The following PRRC2A variants were observed in gnomAD, a reference collection of about 807,000 sequenced individuals.
PRRC2A encodes protein PRRC2A.
A neutral mutation model predicts 224.6 loss-of-function variants in PRRC2A; 59 were observed. The observed-to-expected ratio is 0.26, with a 90% CI of 0.21 to 0.33. The LOEUF (loss-of-function observed/expected upper bound fraction) is 0.33. Among genes scored for constraint, PRRC2A ranks in the 10% least tolerant of loss-of-function variants. The pLI is 1.00. For missense variants in PRRC2A, 3,095 were observed against 2,880.7 expected (o/e 1.07, Z -1.70); for synonymous variants, 1,194 against 1,109.5 (o/e 1.08, Z -1.51).
intron 1 of PRRC2A, among the ~76,000 whole-genome samples, chr6:31,621,424 C>A (rs1296006989): frequency 6.6e-6 from 1 of 152,166 alleles, no homozygotes. Context: ...TTCCTCGTCT[C>A]CTTTCTCCCC....
At position 31,625,741 on chromosome 6, in the gene PRRC2A, G is replaced by A. The variant is rs778690008; in HGVS notation, c.760-51G>A. The A allele has an allele frequency of 6.4e-7, 1 of 1,558,834 alleles. No individual in the cohort carries two copies. The highest frequency in any genetic ancestry group is 8.9e-7 in the Non-Finnish European group (1 of 1,129,780). ...GATTGATAGCAGGCTTAAGGAGCTA[G>A]AAGGGTATATGACTGTCCCTCTGAG... On this transcript the variant is annotated intron_variant, in intron 7 of 30. Coordinates refer to ENST00000376033, the MANE Select transcript of PRRC2A (RefSeq NM_004638.4). The surrounding 1 kb of genome is among the most constrained non-coding windows in gnomAD (Gnocchi z 4.1).
At position 31,632,999 on chromosome 6, in the gene PRRC2A, A is replaced by C; in HGVS notation, c.4319+7A>C. Reference sequence around the variant, plus strand: ...CCTCTCCCAAGAACCGAAGGTGGGTAGGAACAAACAAATTTATTGTGGTTT... The same window carrying C: ...CCTCTCCCAAGAACCGAAGGTGGGTCGGAACAAACAAATTTATTGTGGTTT... On this transcript the variant is annotated splice_region_variant and intron_variant, in intron 16 of 30. Coordinates refer to ENST00000376033, the MANE Select transcript of PRRC2A (RefSeq NM_004638.4). The C allele has an allele frequency of 1.3e-6, 2 of 1,530,566 alleles. No homozygotes were observed. The highest frequency in any genetic ancestry group is 1.8e-6 in the Non-Finnish European group (2 of 1,141,152). The allele number at this position is 1,530,566 out of a possible 1,614,324, so 94.8% of individuals were successfully genotyped here. A position where few individuals can be genotyped will look rare whatever the true frequency, so the allele number is the denominator to read the frequency against.
In PRRC2A at chr6:31,632,627, T is replaced by C; in HGVS notation, c.3954T>C (p.Asn1318=). ...DLSNQNSDQA[N]EEWETASESS... Reference sequence around the variant, plus strand: ...CAAACCAGAACTCAGACCAAGCCAATGAGGAATGGGAGACTGCATCAGAGA... The same window carrying C: ...CAAACCAGAACTCAGACCAAGCCAACGAGGAATGGGAGACTGCATCAGAGA... The change falls in exon 16 of 31, where the codon AAT becomes AAC. Residue 1318 remains asparagine, a synonymous_variant. Transcript: ENST00000376033. 1 of 1,612,804 alleles carries C rather than the reference T, an allele frequency of 6.2e-7. No individual in the cohort carries two copies. Among genetic ancestry groups the C allele is most frequent in the Non-Finnish European group, 8.5e-7 (1 of 1,179,964 alleles).
Position 31,631,245 on chromosome 6 carries a change from G to A in PRRC2A, c.2572G>A (p.Glu858Lys), listed in dbSNP as rs1366706216. Residue 858 changes from glutamate (E) to lysine (K), a missense_variant, in exon 16 of 31, where the codon GAA becomes AAA. Glu to Lys is a moderately conservative substitution (Grantham distance 56). Coordinates refer to ENST00000376033, the MANE Select transcript of PRRC2A (RefSeq NM_004638.4). This position sits in a 1 kb window ranked among gnomAD's most constrained non-coding sequence, Gnocchi z 4.5. ...GPPISRFPLE[E>K]PGPRPLPWPP... ...CCCAATCTCTCGCTTTCCTCTGGAGGAACCAGGGCCCCGTCCACTCCCCTG... is the reference window on the plus strand; with the variant it reads ...CCCAATCTCTCGCTTTCCTCTGGAGAAACCAGGGCCCCGTCCACTCCCCTG... The A allele has an allele frequency of 1.9e-6, 3 of 1,611,976 alleles. No homozygotes were observed. Among genetic ancestry groups the A allele is most frequent in the Non-Finnish European group, 2.5e-6 (3 of 1,179,684 alleles).
At position 31,634,496 on chromosome 6, in the gene PRRC2A, C is replaced by A; in HGVS notation, c.4874C>A (p.Pro1625His). 6.2e-7 allele frequency: 1 copy of A among 1,612,954 alleles called. No homozygotes were observed. Among genetic ancestry groups the A allele is most frequent in the Non-Finnish European group, 8.5e-7 (1 of 1,179,976 alleles). Reference sequence around the variant, plus strand: ...GCCACTAGCCGAAAGAGTTACCGGCCCAGCTCCATGGAGCCTTGGATGGAG... The same window carrying A: ...GCCACTAGCCGAAAGAGTTACCGGCACAGCTCCATGGAGCCTTGGATGGAG... ...HTATSRKSYR[P>H]SSMEPWMEPL... The change falls in exon 20 of 31, where the codon CCC becomes CAC. Residue 1625 changes from proline to histidine, a missense_variant. Transcript: ENST00000376033.
At position 31,627,290 on chromosome 6, in the gene PRRC2A, G is replaced by A; in HGVS notation, c.1290+92G>A. On this transcript the variant is annotated intron_variant, in intron 11 of 30. Transcript: ENST00000376033. This position sits in a 1 kb window ranked among gnomAD's most constrained non-coding sequence, Gnocchi z 5.6. Reference sequence around the variant, plus strand: ...AGCGGTTGTGATATAGAGGAAGGGGGGTGCTAAAAATGGGCTGTGTGAAGT... The same window carrying A: ...AGCGGTTGTGATATAGAGGAAGGGGAGTGCTAAAAATGGGCTGTGTGAAGT... 2.1e-6 allele frequency: 2 copies of A among 967,710 alleles called. No individual in the cohort carries two copies. Among genetic ancestry groups the A allele is most frequent in the Non-Finnish European group, 3.1e-6 (2 of 650,978 alleles). 59.9% of individuals were successfully genotyped at this position (967,710 alleles called of 1,614,324 possible).
rs368048248 is a variant in PRRC2A at position 31,622,405 on chromosome 6, A to G, written c.-100-285A>G. 3.3e-5 allele frequency among the ~76,000 whole-genome samples: 5 copies of G among 152,248 alleles called. No homozygotes were observed. In the South Asian group the frequency reaches 6.2e-4, roughly 19 times the overall value. On this transcript the variant is annotated intron_variant, in intron 1 of 30. Transcript: ENST00000376033. ...TCTGAAACGATTTTGGTGGAGAGAG[A>G]AGAGATTATTACTTGTAGGGAATTA...
Position 31,636,512 on chromosome 6 carries a change from ACGCCAGGAT to A in PRRC2A, c.5840_5848del (p.Arg1947_Asp1949del). ...TATTTCTCCCTGTTTCCCGACAGGT[ACGCCAGGAT>A]CTGCCATCCCCTTCGGATTTTTATT... On this transcript the variant is annotated inframe_deletion, in exon 27 of 31. Coordinates refer to ENST00000376033, the MANE Select transcript of PRRC2A (RefSeq NM_004638.4). This position sits in a 1 kb window ranked among gnomAD's most constrained non-coding sequence, Gnocchi z 4.3. 6.2e-7 allele frequency: 1 copy of A among 1,609,400 alleles called. No homozygotes were observed. Among genetic ancestry groups the A allele is most frequent in the Non-Finnish European group, 8.5e-7 (1 of 1,177,794 alleles).
In PRRC2A at chr6:31,629,152, C is replaced by G. The variant is rs765007841; in HGVS notation, c.1774C>G (p.Gln592Glu). Residue 592 changes from glutamine (Q) to glutamate (E), a missense_variant, in exon 13 of 31, where the codon CAA (glutamine) becomes GAA (glutamate). Coordinates refer to ENST00000376033, the MANE Select transcript of PRRC2A (RefSeq NM_004638.4). ...GSFEASPVEP[Q>E]LPSKEGPEPP... ...TGTTTTTTCCGATGCAGTGGAACCA[C>G]AACTGCCCTCAAAAGAGGGTCCTGA... 6.2e-7 allele frequency: 1 copy of G among 1,614,040 alleles called. No homozygotes were observed.
In PRRC2A at chr6:31,637,291, C is replaced by A; in HGVS notation, c.6300C>A (p.Val2100=). The change falls in exon 30 of 31, where the codon GTC becomes GTA. Residue 2100 remains valine, a synonymous_variant. Coordinates refer to ENST00000376033, the MANE Select transcript of PRRC2A (RefSeq NM_004638.4). ...LKATPSTYSG[V]FRTQRVDLYQ... is the part of the protein sequence containing the mutation. Reference sequence around the variant, plus strand: ...CCACGCCTTCCACCTACAGTGGAGTCTTCCGCACCCAGCGCGTCGACCTTT... The same window carrying A: ...CCACGCCTTCCACCTACAGTGGAGTATTCCGCACCCAGCGCGTCGACCTTT... 6.2e-7 allele frequency: 1 copy of A among 1,612,556 alleles called. No individual in the cohort carries two copies. Among genetic ancestry groups the A allele is most frequent in the Non-Finnish European group, 8.5e-7 (1 of 1,179,542 alleles).
At chr6:31,622,500 C>T (rs1246801177) in intron 1 of PRRC2A, among the ~76,000 whole-genome samples, 190 bp from the exon 2 acceptor site, 3 of 152,062 alleles carry the variant, frequency 2.0e-5, no homozygotes, top group African/African-American at 7.2e-5. Context: ...CTTAGATTTC[C>T]TTGACAAAGG....
At position 31,631,404 on chromosome 6, in the gene PRRC2A, C is replaced by G. The variant is rs750197827; in HGVS notation, c.2731C>G (p.Gln911Glu). ...TGCCCGCGGAGTCGGGAGTGGAGGC[C>G]AGGGCCCCCCACCACCACGCAGAGA... Reference protein sequence around the residue: ...KPARGVGSGGQGPPPPRRESR... With the variant: ...KPARGVGSGGEGPPPPRRESR... The change falls in exon 16 of 31, where the codon CAG (glutamine) becomes GAG (glutamate). Residue 911 changes from glutamine to glutamate, a missense_variant. Physicochemically the swap from Gln to Glu is conservative, Grantham distance 29. Coordinates refer to ENST00000376033, the MANE Select transcript of PRRC2A (RefSeq NM_004638.4). The surrounding 1 kb of genome is among the most constrained non-coding windows in gnomAD (Gnocchi z 4.5). The G allele has an allele frequency of 1.9e-6, 3 of 1,608,942 alleles. No homozygotes were observed. The South Asian group carries it at 3.3e-5, about 18-fold the overall frequency.
chr6:31,625,913 AG>A lies in PRRC2A; in HGVS notation c.839+43del. 6.3e-7 allele frequency: 1 copy of A among 1,580,036 alleles called. No homozygotes were observed. The highest frequency in any genetic ancestry group is 8.7e-7 in the Non-Finnish European group (1 of 1,152,410). ...TGGGTTTGTGGCTGGGGGCAGGGGA[AG>A]CTTATTGGGGGAGGAGATGGTTTTC... is the stretch of plus-strand genomic sequence containing the variant. On this transcript the variant is annotated intron_variant, in intron 8 of 30. Coordinates refer to ENST00000376033, the MANE Select transcript of PRRC2A (RefSeq NM_004638.4). This position sits in a 1 kb window ranked among gnomAD's most constrained non-coding sequence, Gnocchi z 4.1.
chr6:31,637,431 A>C lies in PRRC2A; in HGVS notation c.6334-15A>C, dbSNP rs1374159938. 1.3e-6 allele frequency: 2 copies of C among 1,592,100 alleles called. No individual in the cohort carries two copies. Among genetic ancestry groups the C allele is most frequent in the Non-Finnish European group, 1.7e-6 (2 of 1,167,036 alleles). On this transcript the variant is annotated splice_polypyrimidine_tract_variant and intron_variant, in intron 30 of 30. Coordinates refer to ENST00000376033, the MANE Select transcript of PRRC2A (RefSeq NM_004638.4). Reference sequence around the variant, plus strand: ...CTCACTGTGACTCACTGTTTAACACATGCCTGTCCCCTAGGCCTCCCCACC... The same window carrying C: ...CTCACTGTGACTCACTGTTTAACACCTGCCTGTCCCCTAGGCCTCCCCACC...
In PRRC2A at chr6:31,637,257, G is replaced by A. The variant is rs749878328; in HGVS notation, c.6266G>A (p.Arg2089His). 29 of 1,612,146 alleles carry A rather than the reference G, an allele frequency of 1.8e-5. No homozygotes were observed. The highest frequency in any genetic ancestry group is 1.6e-4 in the Middle Eastern group (1 of 6,082). The change falls in exon 30 of 31, where the codon CGT becomes CAT. Residue 2089 changes from arginine (R) to histidine (H), a missense_variant. Transcript: ENST00000376033. ...AGGTCCTTCTCTGGCCTCAATTCCC[G>A]TCTCAAGGCCACGCCTTCCACCTAC... ...TGRSFSGLNS[R>H]LKATPSTYSG...
Position 31,631,236 on chromosome 6 carries a change from C to A in PRRC2A, c.2563C>A (p.Pro855Thr). 1 of 1,611,678 alleles carries A rather than the reference C, an allele frequency of 6.2e-7. No individual in the cohort carries two copies. Among genetic ancestry groups the A allele is most frequent in the Non-Finnish European group, 8.5e-7 (1 of 1,179,596 alleles). Residue 855 changes from proline (P) to threonine (T), a missense_variant, in exon 16 of 31, where the codon CCT becomes ACT. Pro to Thr is a conservative substitution (Grantham distance 38). Around this residue, in one of 8 missense-constraint regions of PRRC2A, gnomAD observed 2,001 missense variants for 1,764.9 expected, o/e 1.13. Coordinates refer to ENST00000376033, the MANE Select transcript of PRRC2A (RefSeq NM_004638.4). The surrounding 1 kb of genome is among the most constrained non-coding windows in gnomAD (Gnocchi z 4.5). ...GAPGPPISRF[P>T]LEEPGPRPLP... ...CCCTGGGCCCCCAATCTCTCGCTTT[C>A]CTCTGGAGGAACCAGGGCCCCGTCC...
rs1450727535 is a variant in PRRC2A, at chr6:31,625,263, A to C, written c.556A>C (p.Arg186=). 6.2e-7 allele frequency: 1 copy of C among 1,613,180 alleles called. No homozygotes were observed. Among genetic ancestry groups the C allele is most frequent in the Admixed American group, 1.7e-5 (1 of 60,010 alleles). ...AGDQDKAAKE[R]ESAEQSSGPG... ...CGACCAGGACAAGGCTGCCAAGGAA[A>C]GGGAGTCTGCCGAACAGTCGTCTGG... The change falls in exon 6 of 31, where the codon AGG becomes CGG. Residue 186 remains arginine (R), a synonymous_variant. Coordinates refer to ENST00000376033, the MANE Select transcript of PRRC2A (RefSeq NM_004638.4). The surrounding 1 kb of genome is among the most constrained non-coding windows in gnomAD (Gnocchi z 4.1).
In PRRC2A at chr6:31,627,857, C is replaced by T; in HGVS notation, c.1383C>T (p.Ser461=). 1 of 1,613,100 alleles carries T rather than the reference C, an allele frequency of 6.2e-7. No homozygotes were observed. The part of the protein sequence containing the change: ...QRRKQSSSEI[S]LAVERARRRR... ...GAAAGCAGTCGTCATCTGAGATTTC[C>T]CTGGCAGTGGAGCGGGCCCGGCGAC... Residue 461 remains serine, a synonymous_variant, in exon 12 of 31, where the codon TCC becomes TCT. Transcript: ENST00000376033. This position sits in a 1 kb window ranked among gnomAD's most constrained non-coding sequence, Gnocchi z 5.6.
rs1263788161 is a variant in PRRC2A, at chr6:31,636,228, C to T, written c.5644C>T (p.Pro1882Ser). Reference sequence around the variant, plus strand: ...TTTCAGATCACAGCCCCTATACCTACCCCCCGGCCCAGCCCCTCCCTCAGC... The same window carrying T: ...TTTCAGATCACAGCCCCTATACCTATCCCCCGGCCCAGCCCCTCCCTCAGC... ...HPYRSQPLYL[P>S]PGPAPPSALL... Residue 1882 changes from proline to serine, a missense_variant, in exon 26 of 31, where the codon CCC (proline) becomes TCC (serine). Around this residue, in one of 8 missense-constraint regions of PRRC2A, gnomAD observed 662 missense variants for 609.5 expected, o/e 1.09. Coordinates refer to ENST00000376033, the MANE Select transcript of PRRC2A (RefSeq NM_004638.4). The surrounding 1 kb of genome is among the most constrained non-coding windows in gnomAD (Gnocchi z 4.3). The T allele has an allele frequency of 1.2e-6, 2 of 1,611,776 alleles. No homozygotes were observed. Among genetic ancestry groups the T allele is most frequent in the South Asian group, 1.1e-5 (1 of 91,048 alleles).
Sources: gnomAD v4.1 joint callset for allele counts (sites outside exome capture counted in the v4.1 genomes callset) on GRCh38, gnomAD v4.1.1 for gene constraint, gnomAD v4.1.1 regional missense constraint, Gnocchi (gnomAD v3.1) non-coding constraint, MANE v1.5 for transcripts, NCBI Gene and HGNC (gene_info 2026-07-23, HGNC 2026-07-21) for gene names.